Variants in TTF1 observed in about 807,000 individuals in gnomAD.
TTF1 encodes the protein transcription termination factor, RNA polymerase I.
A neutral mutation model predicts 80.2 loss-of-function variants in TTF1; 64 were observed. The observed-to-expected ratio is 0.80, with a 90% CI of 0.65 to 0.98. TTF1 has a LOEUF of 0.98. Among genes scored for constraint, TTF1 ranks in the 50% least tolerant of loss-of-function variants. TTF1 has a pLI of 0.00. For synonymous variants in TTF1, 372 were observed against 382.7 expected (o/e 0.97, Z 0.33); for missense variants, 1,023 against 1,086.2 (o/e 0.94, Z 0.82).
chr9:132,389,182 C>CT (rs548985050), intron 7 of TTF1, among the ~76,000 whole-genome samples: 7,263 of 135,100 alleles, frequency 0.054, 672 homozygotes, highest in African/African-American at 0.18. Context: ...CTCACTCTTC[C>CT]TTTTTTTTTT....
chr9:132,395,911 G>A (rs1026215963), intron 5 of TTF1, among the ~76,000 whole-genome samples: 1 of 152,164 alleles, frequency 6.6e-6, no homozygotes, highest in Non-Finnish European at 1.5e-5. Flanking sequence ...AAATGTGTTG[G>A]AAACAAATTA....
intron 10 of TTF1, among the ~76,000 whole-genome samples, chr9:132,377,597 GGTGT>G (rs1191202134): frequency 3.9e-5 from 3 of 76,740 alleles, no homozygotes; most frequent in African/African-American, 7.9e-5. Flanking sequence ...GAGTGCATGT[GGTGT>G]GTGTGTGAAT....
Position 132,379,057 on chromosome 9 carries a change from AC to A in TTF1, c.2464+1del. On this transcript the variant is annotated splice_donor_variant, in intron 10 of 10. Transcript: ENST00000334270. LOFTEE classifies it high-confidence loss of function. Reference sequence around the variant, plus strand: ...AGCCATATAAATATTAAGAATACTAACCTGGAAAAGTCTTTTTCTGCCAAAA... The same window carrying A: ...AGCCATATAAATATTAAGAATACTAACTGGAAAAGTCTTTTTCTGCCAAAA... 6.2e-7 allele frequency: 1 copy of A among 1,600,446 alleles called. No homozygotes were observed. The highest frequency in any genetic ancestry group is 8.5e-7 in the Non-Finnish European group (1 of 1,174,996).
At chr9:132,397,182 T>TA (rs1371019432) in intron 4 of TTF1, among the ~76,000 whole-genome samples, 2 of 152,186 alleles carry the variant, frequency 1.3e-5, no homozygotes, top group Non-Finnish European at 2.9e-5. Context: ...AGTTTTAAGA[T>TA]AATGTGAATT....
rs760991203 is a variant in TTF1 at position 132,404,385 on chromosome 9, C to CCT, written c.-7-1559_-7-1558dup. 1.4e-3 allele frequency among the ~76,000 whole-genome samples: 209 copies of CCT among 151,346 alleles called. 3 individuals are homozygous for CCT. The South Asian group carries it at 0.023, about 16-fold the overall frequency. Reference sequence around the variant, plus strand: ...AACACACCTACTTGCACTGCCACATCCTCTCTCTCTCTGTCTCGCTGCAAC... The same window carrying CCT: ...AACACACCTACTTGCACTGCCACATCCTCTCTCTCTCTCTGTCTCGCTGCAAC... On this transcript the variant is annotated intron_variant, in intron 1 of 10. Transcript: ENST00000334270.
chr9:132,377,773 G>T (rs1419716385), intron 10 of TTF1, among the ~76,000 whole-genome samples: 3 of 135,922 alleles, frequency 2.2e-5, no homozygotes, highest in African/African-American at 8.4e-5. Context: ...AATGCATGTG[G>T]TGTGTGTGAG....
rs1554730546 is a variant in TTF1 at position 132,402,443 on chromosome 9, AAAC to A, written c.376_378del (p.Val126del). On this transcript the variant is annotated inframe_deletion, in exon 2 of 11. Coordinates refer to ENST00000334270, the MANE Select transcript of TTF1 (RefSeq NM_007344.4). Reference sequence around the variant, plus strand: ...TTCTGTTCTATGCTCATATCAACACAAACAACATCAACATCCTTTCTAAAATGC... The same window carrying A: ...TTCTGTTCTATGCTCATATCAACACAAACATCAACATCCTTTCTAAAATGC... 6.2e-7 allele frequency: 1 copy of A among 1,614,174 alleles called. No individual in the cohort carries two copies. Among genetic ancestry groups the A allele is most frequent in the African/African-American group, 1.3e-5 (1 of 75,044 alleles).
intron 3 of TTF1, among the ~76,000 whole-genome samples, chr9:132,399,005 G>A (rs1001538103): frequency 1.3e-5 from 2 of 152,094 alleles, no homozygotes; most frequent in East Asian, 3.9e-4. Flanking sequence ...AGACCAGCCT[G>A]GTCAATAATA....
intron 5 of TTF1, among the ~76,000 whole-genome samples, chr9:132,393,278 G>C (rs1166303): frequency 0.78 from 117,521 of 151,240 alleles, 46,376 homozygotes; most frequent in Non-Finnish European, 0.86. Context: ...AGCCCCCCCC[G>C]CAAACTGGCC....
At position 132,400,117 on chromosome 9, in the gene TTF1, A is replaced by G; in HGVS notation, c.1509T>C (p.Pro503=). The change falls in exon 3 of 11, where the codon CCT becomes CCC. Residue 503 remains proline, a synonymous_variant. Coordinates refer to ENST00000334270, the MANE Select transcript of TTF1 (RefSeq NM_007344.4). ...TGCTGGTGGCCCTGTCCTTGATGTT[A>G]GGAATGAACTCCTGAAGCTGTTTCA... ...SAVKQLQEFI[P]NIKDRATSTI... 1 of 1,614,156 alleles carries G rather than the reference A, an allele frequency of 6.2e-7. No individual in the cohort carries two copies. Among genetic ancestry groups the G allele is most frequent in the Non-Finnish European group, 8.5e-7 (1 of 1,180,028 alleles).
At chr9:132,387,893 C>G (rs939862719) in intron 8 of TTF1, among the ~76,000 whole-genome samples, 1 of 152,190 alleles carries the variant, frequency 6.6e-6, no homozygotes, top group African/African-American at 2.4e-5. Context: ...ATGTTTCACA[C>G]GTTATTTTCT....
At chr9:132,399,967 T>G (rs1041887007) in intron 3 of TTF1, 68 bp downstream of exon 3, 2 of 1,501,572 alleles carry the variant, frequency 1.3e-6, no homozygotes, top group Admixed American at 3.4e-5. Context: ...GAATCATCCA[T>G]AAAAGAAAGT....
In TTF1 at chr9:132,396,514, A is replaced by G. The variant is rs1411742684; in HGVS notation, c.1778-3T>C. On this transcript the variant is annotated splice_region_variant and splice_polypyrimidine_tract_variant and intron_variant, in intron 4 of 10. Coordinates refer to ENST00000334270, the MANE Select transcript of TTF1 (RefSeq NM_007344.4). ...CCAGGGCCGGGCAATGTTCCTACCT[A>G]AAGTCAGAAGAAAGGTGATCAGAGG... 5 of 1,613,946 alleles carry G rather than the reference A, an allele frequency of 3.1e-6. No homozygotes were observed. In the African/African-American group the frequency reaches 4.0e-5, roughly 13 times the overall value.
intron 7 of TTF1, 33 bp downstream of exon 7, chr9:132,390,564 G>C: frequency 6.2e-7 from 1 of 1,601,396 alleles, no homozygotes; most frequent in South Asian, 1.1e-5. Flanking sequence ...ACAGAAGCTG[G>C]AGAGACAGAG....
chr9:132,387,287 A>G (rs187954007), intron 8 of TTF1, among the ~76,000 whole-genome samples: 10 of 151,154 alleles, frequency 6.6e-5, no homozygotes, highest in South Asian at 2.1e-4. Flanking sequence ...ATTTACAGTA[A>G]CCCTCCCCCC....
At position 132,376,091 on chromosome 9, in the gene TTF1, T is replaced by C. The variant is rs754903945; in HGVS notation, c.2542A>G (p.Thr848Ala). Residue 848 changes from threonine to alanine, a missense_variant, in exon 11 of 11, where the codon ACT (threonine) becomes GCT (alanine). Thr to Ala is a moderately conservative substitution (Grantham distance 58). Transcript: ENST00000334270. ...KLEKMMEKKG[T>A]KIQTPAAPKQ... ...GGTGCTGCAGGAGTCTGGATTTTAG[T>C]GCCTTTTTTCTCCATCATTTTTTCT... 6.2e-7 allele frequency: 1 copy of C among 1,614,246 alleles called. No homozygotes were observed. Among genetic ancestry groups the C allele is most frequent in the Non-Finnish European group, 8.5e-7 (1 of 1,180,034 alleles).
chr9:132,384,954 CCTACGTTT>C lies in TTF1; in HGVS notation c.2378+1594_2378+1601del, dbSNP rs1402879310. On this transcript the variant is annotated intron_variant, in intron 9 of 10. Transcript: ENST00000334270. This position sits in a 1 kb window ranked among gnomAD's most constrained non-coding sequence, Gnocchi z 4.1. ...TACAGGCAAGAGCCACCGTGCCCAG[CCTACGTTT>C]CTTTAATTCTGGACTACGTAATCTA... Among the ~76,000 whole-genome samples, 2 of 152,158 alleles carry C rather than the reference CCTACGTTT, an allele frequency of 1.3e-5. No homozygotes were observed. Among genetic ancestry groups the C allele is most frequent in the Non-Finnish European group, 2.9e-5 (2 of 68,026 alleles).
chr9:132,397,614 G>A (rs1323657758), intron 4 of TTF1, among the ~76,000 whole-genome samples: 1 of 152,214 alleles, frequency 6.6e-6, no homozygotes, highest in Non-Finnish European at 1.5e-5. Flanking sequence ...AAAGGTAAAA[G>A]TTGATCATTT....
chr9:132,385,232 T>C (rs1039365216), intron 9 of TTF1, among the ~76,000 whole-genome samples: 9 of 152,102 alleles, frequency 5.9e-5, no homozygotes, highest in Admixed American at 1.3e-4. Context: ...ATCCCATTCA[T>C]GCGAAGCCAG....
Sources: allele counts gnomAD v4.1 joint callset (sites outside exome capture counted in the v4.1 genomes callset), GRCh38; gene constraint gnomAD v4.1.1; non-coding constraint Gnocchi (gnomAD v3.1); transcripts MANE v1.5; gene names NCBI Gene and HGNC (gene_info 2026-07-23, HGNC 2026-07-21).